Variants in GABRG3 observed in about 807,000 individuals in gnomAD.
GABRG3 encodes the protein gamma-aminobutyric acid receptor subunit gamma-3.
In GABRG3, 25 loss-of-function variants were observed where a neutral mutation model predicts 48.8. The observed-to-expected ratio is 0.51, with a 90% CI of 0.37 to 0.72. GABRG3 has a LOEUF of 0.72. GABRG3 is among the 30% of genes least tolerant of loss of function. The probability of loss-of-function intolerance (pLI) is 0.00; values close to 1 mark genes in which losing one functional copy is unlikely to be tolerated. For synonymous variants in GABRG3, 227 were observed against 217.6 expected (o/e 1.04, Z -0.38); for missense variants, 394 against 577.9 (o/e 0.68, Z 3.26).
At chr15:27,148,778 C>A (rs923710969) in intron 3 of GABRG3, among the ~76,000 whole-genome samples, 1 of 151,934 alleles carries the variant, frequency 6.6e-6, no homozygotes, top group African/African-American at 2.4e-5. Context: ...CAGAAAAAAT[C>A]ATTTGACAAA....
rs1889970016 is a variant in GABRG3, at chr15:27,236,469, A to G, written c.271-90340A>G. Among the ~76,000 whole-genome samples the G allele has an allele frequency of 6.6e-6, 1 of 152,204 alleles. No individual in the cohort carries two copies. The highest frequency in any genetic ancestry group is 1.5e-5 in the Non-Finnish European group (1 of 68,030). The stretch of plus-strand genomic sequence containing the variant: ...CGCCTCAGTGTACCCTTCCTCAGTA[A>G]CCTTTCACCAGAATTCTCTCTAAGC... On this transcript the variant is annotated intron_variant, in intron 3 of 9. Coordinates refer to ENST00000615808, the MANE Select transcript of GABRG3 (RefSeq NM_033223.5). This position sits in a 1 kb window ranked among gnomAD's most constrained non-coding sequence, Gnocchi z 4.4.
At chr15:27,256,493 TA>T (rs376327586) in intron 3 of GABRG3, among the ~76,000 whole-genome samples, 921 of 54,094 alleles carry the variant, frequency 0.017, 8 homozygotes, top group African/African-American at 0.059. Context: ...ATGTTAAGGG[TA>T]GGGGGGGCGG....
chr15:27,378,413 A>G (rs1024620266), intron 5 of GABRG3, among the ~76,000 whole-genome samples: 5 of 152,124 alleles, frequency 3.3e-5, no homozygotes, highest in African/African-American at 9.7e-5. Flanking sequence ...TTAGATAATC[A>G]GGACTTTTGA....
chr15:27,102,158 G>C (rs546681821), intron 3 of GABRG3, among the ~76,000 whole-genome samples: 2 of 152,192 alleles, frequency 1.3e-5, no homozygotes, highest in Non-Finnish European at 2.9e-5. Flanking sequence ...AGCAAGGCCC[G>C]GGAGTCCCAT....
rs1889993028 is a variant in GABRG3, at chr15:27,236,979, G to T, written c.271-89830G>T. 1.3e-5 allele frequency among the ~76,000 whole-genome samples: 2 copies of T among 152,206 alleles called. No individual in the cohort carries two copies. On this transcript the variant is annotated intron_variant, in intron 3 of 9. Transcript: ENST00000615808. The surrounding 1 kb of genome is among the most constrained non-coding windows in gnomAD (Gnocchi z 4.4). Reference sequence around the variant, plus strand: ...TGGAGGTTATGCTTCCCAGCCTGCAGGACGGCCACCCGTATGAAATAAAGC... The same window carrying T: ...TGGAGGTTATGCTTCCCAGCCTGCATGACGGCCACCCGTATGAAATAAAGC...
rs1356264409 is a variant in GABRG3, at chr15:27,308,095, T to TAAACATATATGTTTATACATCC, written c.271-18703_271-18682dup. The stretch of plus-strand genomic sequence containing the variant: ...ATATGTTTATACATCCAAACATATA[T>TAAACATATATGTTTATACATCC]AAACATATATGTTTATACATCCAAA... On this transcript the variant is annotated intron_variant, in intron 3 of 9. Transcript: ENST00000615808. Among the ~76,000 whole-genome samples the TAAACATATATGTTTATACATCC allele has an allele frequency of 4.2e-4, 57 of 135,334 alleles. 1 individual carries two copies. The highest frequency in any genetic ancestry group is 7.7e-4 in the Non-Finnish European group (49 of 63,586). 88.8% of individuals were successfully genotyped at this position (135,334 alleles called of 152,430 possible). A position where few individuals can be genotyped will look rare whatever the true frequency, so the allele number is the denominator to read the frequency against.
At chr15:27,481,772 C>T (rs954451736) in intron 6 of GABRG3, among the ~76,000 whole-genome samples, 6 of 151,930 alleles carry the variant, frequency 3.9e-5, no homozygotes, top group South Asian at 2.1e-4. Context: ...TAAACAATGA[C>T]GATGTTAAAT....
intron 3 of GABRG3, among the ~76,000 whole-genome samples, chr15:27,275,666 G>C (rs1258916026): frequency 6.6e-6 from 1 of 152,206 alleles, no homozygotes; most frequent in Admixed American, 6.5e-5. Flanking sequence ...TTTGGCATGG[G>C]AGAAAATGTA....
intron 9 of GABRG3, 133 bp from the exon 10 acceptor site, chr15:27,532,467 G>GGGAGGAAGAGT: frequency 2.8e-6 from 2 of 724,060 alleles, no homozygotes. Context: ...TCTCCAGCAT[G>GGGAGGAAGAGT]GGGGGAAGGG....
At chr15:27,415,383 G>T (rs1360180720) in intron 5 of GABRG3, among the ~76,000 whole-genome samples, 2 of 151,892 alleles carry the variant, frequency 1.3e-5, no homozygotes, top group African/African-American at 4.8e-5. Flanking sequence ...ATTTCTTTTT[G>T]GTTCTTTCTT....
At chr15:27,065,766 A>G (rs1161091957) in intron 3 of GABRG3, among the ~76,000 whole-genome samples, 1 of 152,250 alleles carries the variant, frequency 6.6e-6, no homozygotes, top group Admixed American at 6.5e-5. Context: ...CCAATAGGAC[A>G]CAGCACTTTA....
At chr15:26,996,768 G>A (rs1339600233) in intron 2 of GABRG3, among the ~76,000 whole-genome samples, 1 of 151,974 alleles carries the variant, frequency 6.6e-6, no homozygotes, top group African/African-American at 2.4e-5. Context: ...TCCTGCCTCA[G>A]CCTCCCGAGT....
rs930775015 is a variant in GABRG3 at position 27,236,934 on chromosome 15, G to A, written c.271-89875G>A. Among the ~76,000 whole-genome samples the A allele has an allele frequency of 1.3e-5, 2 of 152,158 alleles. No individual in the cohort carries two copies. The highest frequency in any genetic ancestry group is 2.9e-5 in the Non-Finnish European group (2 of 68,032). On this transcript the variant is annotated intron_variant, in intron 3 of 9. Transcript: ENST00000615808. This position sits in a 1 kb window ranked among gnomAD's most constrained non-coding sequence, Gnocchi z 4.4. ...TGCTCCCTTTACCCCTCCCTTGGAG[G>A]ACTTGCTCTGGGCTTGTGCTGGAGG...
At chr15:27,256,257 A>G (rs1043713069) in intron 3 of GABRG3, among the ~76,000 whole-genome samples, 1 of 151,640 alleles carries the variant, frequency 6.6e-6, no homozygotes, top group African/African-American at 2.4e-5. Flanking sequence ...CCTGGCTAAC[A>G]TGGTGAAACC....
chr15:27,143,635 G>T (rs148438169), intron 3 of GABRG3, among the ~76,000 whole-genome samples: 479 of 152,312 alleles, frequency 3.1e-3, no homozygotes, highest in Middle Eastern at 6.8e-3. Flanking sequence ...GGAAAGCTGC[G>T]AGTGTATCCT....
At chr15:27,311,576 A>C (rs79483060) in intron 3 of GABRG3, among the ~76,000 whole-genome samples, 5,498 of 152,086 alleles carry the variant, frequency 0.036, 140 homozygotes, top group Non-Finnish European at 0.052. Flanking sequence ...AAAAACCAAA[A>C]CAAAACAACA....
chr15:27,224,728 G>T (rs1329533933), intron 3 of GABRG3, among the ~76,000 whole-genome samples: 1 of 152,222 alleles, frequency 6.6e-6, no homozygotes, highest in East Asian at 1.9e-4. Context: ...TAACAGATTT[G>T]ATTATTTTCA....
intron 5 of GABRG3, among the ~76,000 whole-genome samples, chr15:27,332,532 T>TA (rs111319965): frequency 0.071 from 10,726 of 151,436 alleles, 1,273 homozygotes; most frequent in African/African-American, 0.24. Context: ...AAACTCTGTC[T>TA]AAAAAAAAGA....
chr15:27,341,688 G>A (rs1043849901), intron 5 of GABRG3, among the ~76,000 whole-genome samples: 5 of 152,098 alleles, frequency 3.3e-5, no homozygotes, highest in Admixed American at 2.0e-4. Flanking sequence ...CTGCGCTCTC[G>A]GGATCAATAT....
Sources: allele counts gnomAD v4.1 joint callset (sites outside exome capture counted in the v4.1 genomes callset), GRCh38; gene constraint gnomAD v4.1.1; non-coding constraint Gnocchi (gnomAD v3.1); transcripts MANE v1.5; gene names NCBI Gene and HGNC (gene_info 2026-07-23, HGNC 2026-07-21).